The following ARHGAP24 variants were observed in gnomAD, a reference collection of about 807,000 sequenced individuals.
ARHGAP24 encodes Rho GTPase activating protein 24, also known as rho GTPase-activating protein 24.
In ARHGAP24, 50 loss-of-function variants were observed where a neutral mutation model predicts 76.4. The ratio of observed to expected loss-of-function variants is 0.65; its 90% CI spans 0.52 to 0.83. The LOEUF (loss-of-function observed/expected upper bound fraction) is 0.83, where lower values mean the gene tolerates loss of function less well. ARHGAP24 is among the 40% of genes least tolerant of loss of function. The pLI, the probability that ARHGAP24 is intolerant of heterozygous loss-of-function variation, is 0.00. For synonymous variants in ARHGAP24, 345 were observed against 323.3 expected (o/e 1.07, Z -0.72); for missense variants, 930 against 914.2 (o/e 1.02, Z -0.22).
At chr4:85,930,219 T>C (rs1357400686) in intron 4 of ARHGAP24, 34 of 984,298 alleles carry the variant, frequency 3.5e-5, no homozygotes, top group Non-Finnish European at 3.9e-5. Flanking sequence ...CCCCCACAGA[T>C]CCAAAGAGCC....
chr4:85,631,838 A>G (rs1403392908), intron 2 of ARHGAP24, among the ~76,000 whole-genome samples: 5 of 152,078 alleles, frequency 3.3e-5, no homozygotes, highest in African/African-American at 4.8e-5. Context: ...AATGTTGACT[A>G]TTGTGATACA....
At chr4:85,733,855 G>A (rs559522486) in intron 3 of ARHGAP24, among the ~76,000 whole-genome samples, 45 of 152,240 alleles carry the variant, frequency 3.0e-4, no homozygotes, top group Non-Finnish European at 5.1e-4. Flanking sequence ...TCTCCAAATG[G>A]GGTCACATTC....
At chr4:85,476,857 A>G (rs938757658) in intron 1 of ARHGAP24, among the ~76,000 whole-genome samples, 1 of 152,122 alleles carries the variant, frequency 6.6e-6, no homozygotes, top group Non-Finnish European at 1.5e-5. Flanking sequence ...TAAATTTCTT[A>G]ATTCTTCCTC....
intron 1 of ARHGAP24, among the ~76,000 whole-genome samples, chr4:85,476,325 G>A (rs139554410): frequency 6.4e-4 from 98 of 152,062 alleles, no homozygotes; most frequent in Non-Finnish European, 1.0e-3. Flanking sequence ...ACCAGTAATA[G>A]GGAGCCCAGA....
intron 1 of ARHGAP24, among the ~76,000 whole-genome samples, chr4:85,518,305 G>T (rs1212726501): frequency 4.0e-5 from 6 of 151,682 alleles, no homozygotes; most frequent in Admixed American, 3.3e-4. Context: ...GTTCCCAAGG[G>T]TTTTCTAGTT....
At chr4:85,568,352 T>C (rs1726932208) in intron 1 of ARHGAP24, among the ~76,000 whole-genome samples, 1 of 152,086 alleles carries the variant, frequency 6.6e-6, no homozygotes. Context: ...ATGTTTGTTT[T>C]AAGGTCCCAT....
intron 4 of ARHGAP24, among the ~76,000 whole-genome samples, chr4:85,928,764 A>G (rs1736158965): frequency 6.6e-6 from 1 of 152,140 alleles, no homozygotes; most frequent in African/African-American, 2.4e-5. Flanking sequence ...GCCCAGCCCA[A>G]TAGTTCTTGT....
chr4:85,646,518 A>G (rs889402659), intron 2 of ARHGAP24, among the ~76,000 whole-genome samples: 14 of 152,028 alleles, frequency 9.2e-5, no homozygotes, highest in African/African-American at 3.4e-4. Context: ...ACATTAGTTC[A>G]ACTTAGAGCC....
intron 3 of ARHGAP24, among the ~76,000 whole-genome samples, chr4:85,789,730 C>A (rs1401220397): frequency 6.6e-6 from 1 of 152,280 alleles, no homozygotes; most frequent in Middle Eastern, 3.4e-3. Flanking sequence ...TGATGCCAAC[C>A]GTTCCAGTGC....
At chr4:85,519,722 C>T (rs938707140) in intron 1 of ARHGAP24, among the ~76,000 whole-genome samples, 1 of 152,136 alleles carries the variant, frequency 6.6e-6, no homozygotes, top group Non-Finnish European at 1.5e-5. Flanking sequence ...GAATGAAACT[C>T]GTGTCAGCTT....
intron 1 of ARHGAP24, among the ~76,000 whole-genome samples, chr4:85,480,363 C>T (rs909743307): frequency 1.8e-4 from 28 of 152,080 alleles, no homozygotes; most frequent in East Asian, 3.8e-4. Flanking sequence ...ATTCACCATG[C>T]TTCTCAGTTT....
At chr4:85,555,886 G>GGAAA (rs1726339829) in intron 1 of ARHGAP24, among the ~76,000 whole-genome samples, 1 of 152,190 alleles carries the variant, frequency 6.6e-6, no homozygotes, top group Non-Finnish European at 1.5e-5. Flanking sequence ...GAAACTGACT[G>GGAAA]GCTTCTTCTT....
intron 3 of ARHGAP24, among the ~76,000 whole-genome samples, chr4:85,785,462 G>A (rs1727790359): frequency 6.6e-6 from 1 of 151,936 alleles, no homozygotes; most frequent in African/African-American, 2.4e-5. Context: ...TCATCTCCTT[G>A]TTCTGTTTTT....
intron 3 of ARHGAP24, among the ~76,000 whole-genome samples, chr4:85,846,406 A>C (rs1397378): frequency 0.49 from 74,533 of 151,674 alleles, 19,568 homozygotes; most frequent in East Asian, 0.86. Flanking sequence ...TATTATTATT[A>C]TTGACACTTT....
chr4:85,800,951 G>A (rs1459037976), intron 3 of ARHGAP24, among the ~76,000 whole-genome samples: 5 of 152,046 alleles, frequency 3.3e-5, no homozygotes, highest in African/African-American at 7.2e-5. Context: ...AAATTAAAGC[G>A]TCCTTTTTTA....
At chr4:85,922,110 A>C (rs930467820) in intron 3 of ARHGAP24, among the ~76,000 whole-genome samples, 3 of 152,192 alleles carry the variant, frequency 2.0e-5, no homozygotes, top group Non-Finnish European at 2.9e-5. Context: ...AACATATGGA[A>C]ACCTATTTGA....
chr4:85,963,951 G>A (rs977225276), intron 5 of ARHGAP24, among the ~76,000 whole-genome samples: 2 of 151,900 alleles, frequency 1.3e-5, no homozygotes, highest in African/African-American at 2.4e-5. Context: ...TGCACAACGT[G>A]CAGGTTAGTT....
intron 3 of ARHGAP24, among the ~76,000 whole-genome samples, chr4:85,834,172 A>C (rs1730144517): frequency 6.6e-6 from 1 of 152,110 alleles, no homozygotes; most frequent in Non-Finnish European, 1.5e-5. Context: ...AAGTTGGGGG[A>C]AGTTATCAGA....
At chr4:85,946,052 G>A (rs1016623967) in intron 5 of ARHGAP24, among the ~76,000 whole-genome samples, 2 of 152,050 alleles carry the variant, frequency 1.3e-5, no homozygotes, top group Admixed American at 6.6e-5. Flanking sequence ...GATGGCGGCA[G>A]GCAAAAAGAG....
Sources: gnomAD v4.1 joint callset for allele counts (sites outside exome capture counted in the v4.1 genomes callset) on GRCh38, gnomAD v4.1.1 for gene constraint, MANE v1.5 for transcripts, NCBI Gene and HGNC (gene_info 2026-07-23, HGNC 2026-07-21) for gene names.